The following CYFIP1 variants were observed in gnomAD, a reference collection of about 807,000 sequenced individuals.
CYFIP1 encodes cytoplasmic FMR1-interacting protein 1.
In CYFIP1, 58 loss-of-function variants were observed where a neutral mutation model predicts 163.5. That is an observed-to-expected ratio of 0.35 (90% CI 0.29 to 0.44). CYFIP1 has a LOEUF of 0.44. Among genes scored for constraint, CYFIP1 ranks in the 20% least tolerant of loss-of-function variants. The probability of loss-of-function intolerance (pLI) is 1.00; values close to 1 mark genes in which losing one functional copy is unlikely to be tolerated. For synonymous variants in CYFIP1, 663 were observed against 660.7 expected, an observed-to-expected ratio of 1.00 and a Z score of -0.05; for missense variants, 1,338 against 1,653.8, an observed-to-expected ratio of 0.81 and a Z score of 3.31.
At chr15:22,880,519 G>A (rs528898734) in intron 25 of CYFIP1, among the ~76,000 whole-genome samples, 12 of 152,318 alleles carry the variant, frequency 7.9e-5, no homozygotes, top group African/African-American at 2.6e-4. Context: ...CAAGGCAGGC[G>A]TCTCAACGGC....
At chr15:22,923,030 A>C (rs2061239498) in intron 13 of CYFIP1, among the ~76,000 whole-genome samples, 2 of 152,108 alleles carry the variant, frequency 1.3e-5, no homozygotes, top group Admixed American at 1.3e-4. Context: ...AAGGAAACAC[A>C]GGAGTAAATC....
chr15:22,892,435 G>C (rs1347870199), intron 23 of CYFIP1, among the ~76,000 whole-genome samples: 1 of 152,096 alleles, frequency 6.6e-6, no homozygotes, highest in Non-Finnish European at 1.5e-5. Flanking sequence ...CTTGTTTCTG[G>C]ATGTCAGACC....
chr15:22,893,577 T>A (rs978270672), intron 22 of CYFIP1, among the ~76,000 whole-genome samples: 2 of 152,212 alleles, frequency 1.3e-5, no homozygotes, highest in Non-Finnish European at 2.9e-5. Flanking sequence ...GATTTGCTAA[T>A]TATGTAATTC....
chr15:22,945,083 G>GT lies in CYFIP1; in HGVS notation c.208-145dup, dbSNP rs971821489. The GT allele has an allele frequency of 7.3e-5, 60 of 817,618 alleles. No individual in the cohort carries two copies. In the African/African-American group the frequency reaches 9.2e-4, roughly 13 times the overall value. 50.6% of individuals were successfully genotyped at this position (817,618 alleles called of 1,614,324 possible). On this transcript the variant is annotated intron_variant, in intron 3 of 30. Transcript: ENST00000617928. ...GCCAAGAGACGGCTGCCAGAAGCTA[G>GT]TGACACTGAGGTGCGGCGCTGGGGG...
At chr15:22,929,944 AC>A (rs113124856) in intron 11 of CYFIP1, among the ~76,000 whole-genome samples, 88,645 of 146,554 alleles carry the variant, frequency 0.6, 26,561 homozygotes, top group East Asian at 0.79. Flanking sequence ...TCAAAAACAA[AC>A]AAAAAAAAGA....
Position 22,872,917 on chromosome 15 carries a change from CAAG to C in CYFIP1, c.3502_3504del (p.Leu1168del). ...AGCACAGCAAAACGCCGCTGCTGCC[CAAG>C]AAGTACGATGATCATACAGCCAGCC... On this transcript the variant is annotated inframe_deletion, in exon 30 of 31. Transcript: ENST00000617928. The C allele has an allele frequency of 6.2e-7, 1 of 1,614,080 alleles. No homozygotes were observed. The highest frequency in any genetic ancestry group is 8.5e-7 in the Non-Finnish European group (1 of 1,179,984).
chr15:22,890,139 T>TAA (rs375604535), intron 23 of CYFIP1, among the ~76,000 whole-genome samples: 20 of 138,000 alleles, frequency 1.4e-4, no homozygotes, highest in Middle Eastern at 3.6e-3. Flanking sequence ...CCATCTCTAC[T>TAA]AAAAAAAAAA....
intron 23 of CYFIP1, 71 bp downstream of exon 23, chr15:22,892,818 CA>C: frequency 8.5e-7 from 1 of 1,174,268 alleles, no homozygotes; most frequent in Non-Finnish European, 1.3e-6. Context: ...GCAACCAAAC[CA>C]ATTAAACTAC....
At chr15:22,933,604 G>A (rs999257749) in intron 10 of CYFIP1, among the ~76,000 whole-genome samples, 198 bp downstream of exon 10, 4 of 152,084 alleles carry the variant, frequency 2.6e-5, no homozygotes, top group African/African-American at 7.2e-5. Flanking sequence ...GTGAGCCACC[G>A]CGCCCGGCCT....
chr15:22,903,696 G>A lies in CYFIP1; in HGVS notation c.2588+10C>T. 1 of 1,613,022 alleles carries A rather than the reference G, an allele frequency of 6.2e-7. No homozygotes were observed. Among genetic ancestry groups the A allele is most frequent in the Non-Finnish European group, 8.5e-7 (1 of 1,179,932 alleles). On this transcript the variant is annotated intron_variant, in intron 22 of 30. Transcript: ENST00000617928. ...TCGCCTGTGGGCGCCTGTGTGGCGG[G>A]CACGCTCACCGGTTGGTAGAGCCGT...
chr15:22,887,289 G>A (rs1020977034), intron 23 of CYFIP1, among the ~76,000 whole-genome samples: 1 of 152,138 alleles, frequency 6.6e-6, no homozygotes, highest in African/African-American at 2.4e-5. Context: ...CAACACTGAA[G>A]GACAGAAACC....
intron 9 of CYFIP1, among the ~76,000 whole-genome samples, chr15:22,936,582 C>T (rs2061717991): frequency 6.6e-6 from 1 of 152,212 alleles, no homozygotes. Context: ...GCTGGAGCGT[C>T]ATCAGGCTGC....
chr15:22,918,884 G>A lies in CYFIP1; in HGVS notation c.1360-26C>T, dbSNP rs527414003. ...CTGCGGGGGACACAGCAACAGGGAC[G>A]GCCCTTCTTAGGGATGGCACCAAGC... On this transcript the variant is annotated intron_variant, in intron 13 of 30. Coordinates refer to ENST00000617928, the MANE Select transcript of CYFIP1 (RefSeq NM_014608.6). 2.4e-5 allele frequency: 37 copies of A among 1,556,856 alleles called. No homozygotes were observed. The East Asian group carries it at 5.9e-4, about 25-fold the overall frequency.
chr15:22,939,266 T>G lies in CYFIP1; in HGVS notation c.721A>C (p.Ile241Leu). 6.2e-7 allele frequency: 1 copy of G among 1,614,152 alleles called. No individual in the cohort carries two copies. Among genetic ancestry groups the G allele is most frequent in the Non-Finnish European group, 8.5e-7 (1 of 1,180,020 alleles). Residue 241 changes from isoleucine (I) to leucine (L), a missense_variant, in exon 8 of 31, where the codon ATT (isoleucine) becomes CTT (leucine). Transcript: ENST00000617928. ...TAGTAATCCACACACAGATTCACAA[T>G]ATCTGCCAGGAGCTCTTCGTAGCCA... is the stretch of plus-strand genomic sequence containing the variant. Reference protein sequence around the residue: ...ISGYEELLADIVNLCVDYYEN... With the variant: ...ISGYEELLADLVNLCVDYYEN...
At chr15:22,882,616 G>C (rs1334535892) in intron 24 of CYFIP1, among the ~76,000 whole-genome samples, 1 of 152,132 alleles carries the variant, frequency 6.6e-6, no homozygotes, top group South Asian at 2.1e-4. Context: ...GACAGCCTGA[G>C]CAACATAGCA....
At chr15:22,908,518 C>CTTTTTTTTTTTTTTTTTTTTTTTTTTTT (rs58565266) in intron 21 of CYFIP1, among the ~76,000 whole-genome samples, 1 of 75,480 alleles carries the variant, frequency 1.3e-5, no homozygotes, top group Admixed American at 1.8e-4. Context: ...GAAGATATTT[C>CTTTTTTTTTTTTTTTTTTTTTTTTTTTT]TTTTTTTTTT....
chr15:22,902,321 T>G (rs2060420927), intron 22 of CYFIP1, among the ~76,000 whole-genome samples: 1 of 152,246 alleles, frequency 6.6e-6, no homozygotes, highest in South Asian at 2.1e-4. Context: ...TCCCGGGGTG[T>G]GGGGAAGGAG....
chr15:22,964,807 G>A (rs1021415990), intron 1 of CYFIP1, among the ~76,000 whole-genome samples: 1 of 152,174 alleles, frequency 6.6e-6, no homozygotes, highest in African/African-American at 2.4e-5. Flanking sequence ...GGCAGGAGAT[G>A]GATGCCAACC....
intron 12 of CYFIP1, among the ~76,000 whole-genome samples, chr15:22,927,014 T>A (rs750078338): frequency 6.6e-6 from 1 of 152,084 alleles, no homozygotes; most frequent in Non-Finnish European, 1.5e-5. Flanking sequence ...TACAAGTAAA[T>A]ATTTAAAGCA....
Sources: allele counts gnomAD v4.1 joint callset (sites outside exome capture counted in the v4.1 genomes callset), GRCh38; gene constraint gnomAD v4.1.1; transcripts MANE v1.5; gene names NCBI Gene and HGNC (gene_info 2026-07-23, HGNC 2026-07-21).